Variants in TTBK2 observed in about 807,000 individuals in gnomAD.
The protein encoded by TTBK2 is tau tubulin kinase 2.
In TTBK2, 28 loss-of-function variants were observed where a neutral mutation model predicts 110.8. The observed-to-expected ratio is 0.25, with a 90% confidence interval of 0.19 to 0.35. TTBK2 has a LOEUF of 0.35. TTBK2 is among the 10% of genes least tolerant of loss of function. The pLI is 1.00. For missense variants in TTBK2, 1,369 were observed against 1,500.3 expected (o/e 0.91, Z 1.45); for synonymous variants, 532 against 527.3 (o/e 1.01, Z -0.12).
intron 3 of TTBK2, 56 bp from the exon 4 acceptor site, chr15:42,840,489 T>C (rs1023601618): frequency 2.7e-6 from 4 of 1,486,858 alleles, no homozygotes; most frequent in Non-Finnish European, 3.8e-6. Context: ...TCTTAAAAAA[T>C]TAATAATTTG....
At chr15:42,792,992 G>A (rs967977481) in intron 10 of TTBK2, among the ~76,000 whole-genome samples, 1 of 152,116 alleles carries the variant, frequency 6.6e-6, no homozygotes, top group African/African-American at 2.4e-5. Flanking sequence ...ACAATCAAAG[G>A]GGAAGGACAA....
Position 42,794,191 on chromosome 15 carries a change from A to G in TTBK2, c.980+453T>C, listed in dbSNP as rs761263682. Among the ~76,000 whole-genome samples the G allele has an allele frequency of 7.9e-5, 12 of 152,282 alleles. No individual in the cohort carries two copies. The South Asian group carries it at 1.5e-3, about 18-fold the overall frequency. On this transcript the variant is annotated intron_variant, in intron 10 of 14. Coordinates refer to ENST00000267890, the MANE Select transcript of TTBK2 (RefSeq NM_173500.4). Reference sequence around the variant, plus strand: ...GAGGAAAAAACATTAACAATAAAAAACTAAGATCACGGAAATAGATCATAA... The same window carrying G: ...GAGGAAAAAACATTAACAATAAAAAGCTAAGATCACGGAAATAGATCATAA...
intron 9 of TTBK2, among the ~76,000 whole-genome samples, chr15:42,805,098 T>G (rs1385755307): frequency 6.6e-6 from 1 of 152,330 alleles, no homozygotes; most frequent in African/African-American, 2.4e-5. Context: ...GTTTCAGACA[T>G]ACATTGACTG....
At chr15:42,829,598 G>A (rs991680985) in intron 5 of TTBK2, among the ~76,000 whole-genome samples, 1 of 151,952 alleles carries the variant, frequency 6.6e-6, no homozygotes, top group South Asian at 2.1e-4. Context: ...CCACAGGAGC[G>A]ATCATAGCTC....
intron 13 of TTBK2, among the ~76,000 whole-genome samples, chr15:42,771,031 T>C (rs907300494): frequency 1.3e-5 from 2 of 151,754 alleles, no homozygotes; most frequent in African/African-American, 4.8e-5. Flanking sequence ...TGGAGTGCAG[T>C]GGCGCGATCT....
chr15:42,875,777 G>A lies in TTBK2; in HGVS notation c.69+2772C>T, dbSNP rs935060362. ...CAAAAATTAGCCAGTGTGATGGCGCGTGCCTGTAATCCCAGCTACTTGGGA... is the reference window on the plus strand; with the variant it reads ...CAAAAATTAGCCAGTGTGATGGCGCATGCCTGTAATCCCAGCTACTTGGGA... On this transcript the variant is annotated intron_variant, in intron 2 of 14. Transcript: ENST00000267890. Among the ~76,000 whole-genome samples the A allele has an allele frequency of 1.1e-4, 17 of 152,002 alleles. 1 individual carries two copies. The highest frequency in any genetic ancestry group is 2.1e-4 in the South Asian group (1 of 4,820).
chr15:42,751,878 G>A (rs537121876), intron 14 of TTBK2, 96 bp downstream of exon 14: 8 of 1,421,124 alleles, frequency 5.6e-6, no homozygotes, highest in Non-Finnish European at 7.9e-6. Flanking sequence ...ATACTGAGAA[G>A]GGGGCAACAC....
At position 42,797,884 on chromosome 15, in the gene TTBK2, TTTTA is replaced by T. The variant is rs767943136; in HGVS notation, c.823-3087_823-3084del. Among the ~76,000 whole-genome samples, 214 of 152,148 alleles carry T rather than the reference TTTTA, an allele frequency of 1.4e-3. 2 individuals are homozygous for T. The highest frequency in any genetic ancestry group is 4.5e-3 in the Admixed American group (69 of 15,288). On this transcript the variant is annotated intron_variant, in intron 9 of 14. Transcript: ENST00000267890. ...CTTTTTTATTTTTTATTATTTTTAT[TTTTA>T]TTTATTTATTTTTGAGACGGAGTCT...
chr15:42,761,375 G>C (rs1021442659), intron 13 of TTBK2, among the ~76,000 whole-genome samples: 2 of 152,030 alleles, frequency 1.3e-5, no homozygotes, highest in Non-Finnish European at 1.5e-5. Flanking sequence ...ACAGTCAATA[G>C]AGTGAAAAGA....
intron 3 of TTBK2, among the ~76,000 whole-genome samples, chr15:42,870,583 C>T (rs1894576053): frequency 6.6e-6 from 1 of 151,936 alleles, no homozygotes; most frequent in Non-Finnish European, 1.5e-5. Context: ...AAAATCGCAG[C>T]CAGGTGCAGT....
At chr15:42,847,229 A>G (rs982278318) in intron 3 of TTBK2, among the ~76,000 whole-genome samples, 3 of 152,314 alleles carry the variant, frequency 2.0e-5, no homozygotes, top group Admixed American at 6.5e-5. Context: ...TTAACACTCT[A>G]TATCTTCTTT....
At position 42,775,736 on chromosome 15, in the gene TTBK2, G is replaced by A. The variant is rs746473814; in HGVS notation, c.1410-13C>T. On this transcript the variant is annotated splice_polypyrimidine_tract_variant and intron_variant, in intron 12 of 14. Coordinates refer to ENST00000267890, the MANE Select transcript of TTBK2 (RefSeq NM_173500.4). ...CATTTTCTCCAGGCTTAAGGAAATGGAAAGAAGTTACTCAACTGTCCTAAG... is the reference window on the plus strand; with the variant it reads ...CATTTTCTCCAGGCTTAAGGAAATGAAAAGAAGTTACTCAACTGTCCTAAG... 22 of 1,602,270 alleles carry A rather than the reference G, an allele frequency of 1.4e-5. No individual in the cohort carries two copies. The African/African-American group carries it at 2.4e-4, about 18-fold the overall frequency.
In TTBK2 at chr15:42,872,756, C is replaced by T. The variant is rs187032682; in HGVS notation, c.72G>A (p.Leu24=). 568 of 1,613,922 alleles carry T rather than the reference C, an allele frequency of 3.5e-4. 1 individual carries two copies. The highest frequency in any genetic ancestry group is 2.4e-5 in the Non-Finnish European group (28 of 1,179,936). ...CAAAGCCCCCACCCCCAATCTTTCT[C>T]AACTGCACAGAAAATAAGAACACAC... The part of the protein sequence containing the change: ...GILVKERWKV[L]RKIGGGGFGE... Residue 24 remains leucine, a splice_region_variant and synonymous_variant, in exon 3 of 15, where the codon TTG becomes TTA. Transcript: ENST00000267890.
At chr15:42,911,610 A>G (rs1396127154) in intron 1 of TTBK2, among the ~76,000 whole-genome samples, 4 of 152,228 alleles carry the variant, frequency 2.6e-5, no homozygotes, top group African/African-American at 9.6e-5. Context: ...ACTCATGAGA[A>G]GAAACTCAAG....
intron 13 of TTBK2, among the ~76,000 whole-genome samples, chr15:42,773,209 A>G (rs1889753182): frequency 6.6e-6 from 1 of 152,180 alleles, no homozygotes; most frequent in Admixed American, 6.5e-5. Flanking sequence ...CCTCTAAAAT[A>G]GAAATAAAAA....
intron 2 of TTBK2, among the ~76,000 whole-genome samples, chr15:42,875,326 A>AT (rs1267211645): frequency 2.6e-5 from 4 of 152,188 alleles, no homozygotes; most frequent in Non-Finnish European, 4.4e-5. Flanking sequence ...GGGTACACAG[A>AT]TTACAAGAAG....
At chr15:42,757,261 C>A (rs1349675542) in intron 13 of TTBK2, among the ~76,000 whole-genome samples, 1 of 143,562 alleles carries the variant, frequency 7.0e-6, no homozygotes, top group African/African-American at 2.8e-5. Context: ...CATGTAGCAC[C>A]ACACCAGCTA....
At chr15:42,819,038 C>A (rs1892172179) in intron 6 of TTBK2, among the ~76,000 whole-genome samples, 1 of 151,084 alleles carries the variant, frequency 6.6e-6, no homozygotes, top group Non-Finnish European at 1.5e-5. Context: ...CTCAATATGA[C>A]AACTGCCAAA....
intron 9 of TTBK2, among the ~76,000 whole-genome samples, chr15:42,807,699 G>C (rs775100576): frequency 2.0e-4 from 31 of 152,046 alleles, no homozygotes; most frequent in Non-Finnish European, 3.7e-4. Context: ...AATCGCCCAA[G>C]GTGCTGAGAT....
Sources: gnomAD v4.1 joint callset for allele counts (sites outside exome capture counted in the v4.1 genomes callset) on GRCh38, gnomAD v4.1.1 for gene constraint, MANE v1.5 for transcripts, NCBI Gene and HGNC (gene_info 2026-07-23, HGNC 2026-07-21) for gene names.